Variants in HS2ST1 observed in about 807,000 individuals in gnomAD.
The protein encoded by HS2ST1 is heparan sulfate 2-O-sulfotransferase 1.
Under a neutral mutation model 42.9 loss-of-function variants are expected in HS2ST1, and 18 were observed. The observed-to-expected ratio is 0.42, with a 90% CI of 0.29 to 0.62. The LOEUF is 0.62. HS2ST1 is among the 20% of genes least tolerant of loss of function. The pLI, the probability that HS2ST1 is intolerant of heterozygous loss-of-function variation, is 0.21. For missense variants in HS2ST1, 334 were observed against 433.8 expected (o/e 0.77, Z 2.04); for synonymous variants, 146 against 152.9 (o/e 0.95, Z 0.33).
intron 1 of HS2ST1, among the ~76,000 whole-genome samples, chr1:87,059,287 A>G (rs1185935246): frequency 2.6e-5 from 4 of 152,166 alleles, no homozygotes; most frequent in African/African-American, 9.7e-5. Flanking sequence ...GCCTTCTCCA[A>G]TTAGCCATCC....
intron 1 of HS2ST1, among the ~76,000 whole-genome samples, chr1:86,920,939 G>C (rs1198616701): frequency 6.6e-6 from 1 of 152,024 alleles, no homozygotes; most frequent in Non-Finnish European, 1.5e-5. Context: ...ATTGCTAAGA[G>C]AGTGGATTTT....
intron 3 of HS2ST1, among the ~76,000 whole-genome samples, chr1:87,087,912 CT>C (rs1294568777): frequency 2.0e-5 from 3 of 152,058 alleles, no homozygotes; most frequent in Admixed American, 2.0e-4. Context: ...ACTTAGACTC[CT>C]TGCTAGCTGT....
intron 1 of HS2ST1, among the ~76,000 whole-genome samples, chr1:86,944,351 CAT>C (rs1301565863): frequency 6.6e-6 from 1 of 151,856 alleles, no homozygotes; most frequent in African/African-American, 2.4e-5. Context: ...TAAAAATTGA[CAT>C]GTTTTTCTTT....
intron 1 of HS2ST1, among the ~76,000 whole-genome samples, chr1:87,015,250 G>T (rs1307460532): frequency 1.3e-5 from 2 of 151,762 alleles, no homozygotes; most frequent in East Asian, 3.9e-4. Context: ...GTTTCACCAT[G>T]TCAGCCAGGA....
At position 86,990,837 on chromosome 1, in the gene HS2ST1, T is replaced by TATATATATATATATATATA. The variant is rs56384402; in HGVS notation, c.124+75677_124+75678insATATATATATATATATATA. 4.0e-4 allele frequency among the ~76,000 whole-genome samples: 7 copies of TATATATATATATATATATA among 17,544 alleles called. 1 individual carries two copies. Among genetic ancestry groups the TATATATATATATATATATA allele is most frequent in the Non-Finnish European group, 5.4e-4 (5 of 9,292 alleles). The allele number at this position is 17,544 out of a possible 152,430, so 11.5% of individuals were successfully genotyped here. A position where few individuals can be genotyped will look rare whatever the true frequency, so the allele number is the denominator to read the frequency against. On this transcript the variant is annotated intron_variant, in intron 1 of 6. Coordinates refer to ENST00000370550, the MANE Select transcript of HS2ST1 (RefSeq NM_012262.4). ...TTATATATATATATATATATATATA[T>TATATATATATATATATATA]TTTTTTTTTTTTTTTTTTTTTTAGT... is the stretch of plus-strand genomic sequence containing the variant.
intron 1 of HS2ST1, among the ~76,000 whole-genome samples, chr1:87,002,387 G>A (rs1649314544): frequency 6.6e-6 from 1 of 152,070 alleles, no homozygotes; most frequent in Non-Finnish European, 1.5e-5. Context: ...GAGTCCAGGA[G>A]TTCCAGACCA....
At chr1:87,089,481 T>C (rs533826981) in intron 3 of HS2ST1, among the ~76,000 whole-genome samples, 1 of 152,138 alleles carries the variant, frequency 6.6e-6, no homozygotes, top group East Asian at 1.9e-4. Context: ...CTGAAATGAT[T>C]GACCAGAGTT....
chr1:87,077,713 A>G (rs532098600), intron 2 of HS2ST1, among the ~76,000 whole-genome samples: 55 of 152,352 alleles, frequency 3.6e-4, no homozygotes, highest in African/African-American at 1.2e-3. Context: ...TGCCTGAGAC[A>G]TAGTAGAAAC....
At chr1:86,928,480 G>A (rs1026128625) in intron 1 of HS2ST1, among the ~76,000 whole-genome samples, 1 of 151,898 alleles carries the variant, frequency 6.6e-6, no homozygotes, top group Non-Finnish European at 1.5e-5. Flanking sequence ...GTATTTGGGT[G>A]TTAAGAAAGT....
At chr1:86,976,044 C>T (rs1014580663) in intron 1 of HS2ST1, among the ~76,000 whole-genome samples, 3 of 152,116 alleles carry the variant, frequency 2.0e-5, no homozygotes, top group Admixed American at 6.5e-5. Flanking sequence ...CCAAAGTGTA[C>T]ATTTATTAAA....
At position 86,931,055 on chromosome 1, in the gene HS2ST1, G is replaced by A. The variant is rs562815143; in HGVS notation, c.124+15895G>A. 2.0e-5 allele frequency among the ~76,000 whole-genome samples: 3 copies of A among 152,020 alleles called. No individual in the cohort carries two copies. The South Asian group carries it at 6.2e-4, about 32-fold the overall frequency. On this transcript the variant is annotated intron_variant, in intron 1 of 6. Transcript: ENST00000370550. ...TTTTAAAAGTTACTTAAATAAGAAT[G>A]GTAGGTTATTTTAGTTACAATCTCA...
At chr1:87,008,582 C>A (rs1212366474) in intron 1 of HS2ST1, among the ~76,000 whole-genome samples, 1 of 152,166 alleles carries the variant, frequency 6.6e-6, no homozygotes, top group South Asian at 2.1e-4. Context: ...TAGCAAGTAA[C>A]CTTTTAGTCC....
At chr1:86,920,091 C>CTTGGTAACTTTA (rs1553129966) in intron 1 of HS2ST1, among the ~76,000 whole-genome samples, 3 of 152,144 alleles carry the variant, frequency 2.0e-5, no homozygotes, top group Non-Finnish European at 4.4e-5. Context: ...GAACTATGTG[C>CTTGGTAACTTTA]TTGGTAACTT....
At chr1:87,079,885 T>G (rs1651641639) in intron 2 of HS2ST1, among the ~76,000 whole-genome samples, 1 of 151,472 alleles carries the variant, frequency 6.6e-6, no homozygotes, top group South Asian at 2.1e-4. Flanking sequence ...AAAAATTTTT[T>G]TTTTCTTTAA....
intron 1 of HS2ST1, among the ~76,000 whole-genome samples, chr1:86,952,489 T>C (rs1210531198): frequency 6.6e-6 from 1 of 152,206 alleles, no homozygotes; most frequent in Non-Finnish European, 1.5e-5. Context: ...CTGCCTGCCC[T>C]GGTCTCCCAA....
At chr1:86,931,871 C>T (rs1252612080) in intron 1 of HS2ST1, among the ~76,000 whole-genome samples, 6 of 151,448 alleles carry the variant, frequency 4.0e-5, no homozygotes, top group East Asian at 1.9e-4. Flanking sequence ...AAAAATAACA[C>T]GGTGCATTGA....
At chr1:87,012,392 C>G (rs1649626668) in intron 1 of HS2ST1, among the ~76,000 whole-genome samples, 1 of 152,104 alleles carries the variant, frequency 6.6e-6, no homozygotes, top group East Asian at 1.9e-4. Context: ...GTGCAGGGGA[C>G]AAGCTCTCAT....
At chr1:86,943,861 A>C (rs1647235263) in intron 1 of HS2ST1, among the ~76,000 whole-genome samples, 1 of 152,090 alleles carries the variant, frequency 6.6e-6, no homozygotes, top group Non-Finnish European at 1.5e-5. Context: ...CCCCATCTCT[A>C]CTAAAAATGC....
At chr1:87,063,724 A>G (rs1267262294) in intron 1 of HS2ST1, among the ~76,000 whole-genome samples, 7 of 152,128 alleles carry the variant, frequency 4.6e-5, no homozygotes, top group South Asian at 2.1e-4. Flanking sequence ...CATGTTCATA[A>G]TTGCTCATTA....
Sources: allele counts gnomAD v4.1 joint callset (sites outside exome capture counted in the v4.1 genomes callset), GRCh38; gene constraint gnomAD v4.1.1; transcripts MANE v1.5; gene names NCBI Gene and HGNC (gene_info 2026-07-23, HGNC 2026-07-21).